DAB1: variants seen among roughly 807,000 people sequenced by gnomAD.
DAB1 encodes the protein DAB adaptor protein 1.
In DAB1, 15 loss-of-function variants were observed where a neutral mutation model predicts 64.6. That is an observed-to-expected ratio of 0.23 (90% CI 0.16 to 0.36). The LOEUF is 0.36. Among genes scored for constraint, DAB1 ranks in the 10% least tolerant of loss-of-function variants. DAB1 has a pLI of 1.00. For missense variants in DAB1, 596 were observed against 706.7 expected (o/e 0.84, Z 1.78); for synonymous variants, 235 against 251.9 (o/e 0.93, Z 0.64).
rs552299070 is a variant in DAB1 at position 57,989,626 on chromosome 1, T to C, written n.388-105464A>G. On this transcript the variant is annotated intron_variant and non_coding_transcript_variant, in intron 5 of 20. Transcript: ENST00000485760. ...TTGAAGCAGATATCCATTTTTAATA[T>C]AGGAAGGAAGACATTAAGATGTCAA... Among the ~76,000 whole-genome samples the C allele has an allele frequency of 3.3e-5, 5 of 152,270 alleles. No homozygotes were observed. The East Asian group carries it at 9.7e-4, about 29-fold the overall frequency.
Position 57,291,115 on chromosome 1 carries a change from C to A in DAB1, c.-85G>T. 1.2e-6 allele frequency: 1 copy of A among 839,216 alleles called. No homozygotes were observed. The highest frequency in any genetic ancestry group is 1.9e-6 in the Non-Finnish European group (1 of 526,762). 52.0% of individuals were successfully genotyped at this position (839,216 alleles called of 1,614,324 possible). ...ACTCTTCTCCAAGAGAAAGACTCCT[C>A]CCTTCAGAAATGACACTCTGAGCTG... is the stretch of plus-strand genomic sequence containing the variant. On this transcript the variant is annotated 5_prime_UTR_variant, in exon 2 of 15. Transcript: ENST00000371236.
intron 5 of DAB1, among the ~76,000 whole-genome samples, chr1:57,907,018 C>T (rs1166978138): frequency 1.3e-5 from 2 of 152,070 alleles, no homozygotes; most frequent in East Asian, 3.8e-4. Context: ...TTGTAAGCAA[C>T]AAAAGCACCT....
intron 1 of DAB1, among the ~76,000 whole-genome samples, chr1:57,840,483 A>G (rs932565522): frequency 1.3e-5 from 2 of 152,160 alleles, no homozygotes; most frequent in African/African-American, 4.8e-5. Context: ...TGCATTTAAT[A>G]TATCTAACCA....
intron 7 of DAB1, among the ~76,000 whole-genome samples, chr1:57,612,199 G>GTA (rs1300520389): frequency 2.2e-5 from 2 of 91,456 alleles, no homozygotes; most frequent in Non-Finnish European, 5.4e-5. Context: ...ATGATCTTGT[G>GTA]TGTGTGTGTG....
intron 6 of DAB1, among the ~76,000 whole-genome samples, chr1:57,797,949 T>C (rs6704346): frequency 0.066 from 10,093 of 152,312 alleles, 1,170 homozygotes; most frequent in African/African-American, 0.23. Context: ...TCGTTTATTA[T>C]GTGCTTAGCA....
intron 4 of DAB1, among the ~76,000 whole-genome samples, chr1:58,291,994 G>A (rs1317304716): frequency 6.6e-6 from 1 of 152,206 alleles, no homozygotes; most frequent in Non-Finnish European, 1.5e-5. Context: ...ATACAGGTGA[G>A]CATCATTCAA....
At chr1:58,162,090 T>C (rs1434728744) in intron 4 of DAB1, among the ~76,000 whole-genome samples, 20 of 152,054 alleles carry the variant, frequency 1.3e-4, no homozygotes, top group Non-Finnish European at 2.8e-4. Flanking sequence ...CGGTGATAGA[T>C]AGGATGTAGG....
intron 4 of DAB1, among the ~76,000 whole-genome samples, chr1:58,246,151 T>G (rs1286209750): frequency 1.3e-5 from 2 of 151,882 alleles, no homozygotes; most frequent in Non-Finnish European, 2.9e-5. Context: ...TAAGAGAAAA[T>G]AAATGTTTAG....
chr1:57,089,431 A>G (rs958703382), intron 4 of DAB1, among the ~76,000 whole-genome samples: 5 of 152,186 alleles, frequency 3.3e-5, no homozygotes, highest in Non-Finnish European at 7.3e-5. Flanking sequence ...GGGTGCCAGC[A>G]TCTGCTCAGC....
intron 5 of DAB1, among the ~76,000 whole-genome samples, chr1:57,905,118 T>C (rs1287976753): frequency 6.6e-6 from 1 of 152,042 alleles, no homozygotes; most frequent in African/African-American, 2.4e-5. Context: ...ATGTTCATTT[T>C]ATGGATGAAG....
rs576878626 is a variant in DAB1, at chr1:57,635,677, T to C, written n.625+13915A>G. Among the ~76,000 whole-genome samples, 5 of 152,316 alleles carry C rather than the reference T, an allele frequency of 3.3e-5. No individual in the cohort carries two copies. In the South Asian group the frequency reaches 1.0e-3, roughly 32 times the overall value. ...ATAATAATATAAATAAATTACACAA[T>C]AATTGTAATGCACTTGAATCATCCT... is the stretch of plus-strand genomic sequence containing the variant. On this transcript the variant is annotated intron_variant and non_coding_transcript_variant, in intron 7 of 20. Transcript: ENST00000485760.
chr1:57,242,423 G>A (rs901444625), intron 2 of DAB1, among the ~76,000 whole-genome samples: 4 of 152,188 alleles, frequency 2.6e-5, no homozygotes, highest in African/African-American at 9.6e-5. Context: ...CACGGGGGAA[G>A]TAGGTAAATA....
chr1:58,251,452 T>C (rs1323109978), intron 4 of DAB1, among the ~76,000 whole-genome samples: 1 of 152,134 alleles, frequency 6.6e-6, no homozygotes, highest in Non-Finnish European at 1.5e-5. Flanking sequence ...TGATAGAAAA[T>C]GACTAGGGTA....
At position 57,259,579 on chromosome 1, in the gene DAB1, A is replaced by G. The variant is rs369799230; in HGVS notation, c.67+31385T>C. On this transcript the variant is annotated intron_variant, in intron 2 of 14. Coordinates refer to ENST00000371236, the MANE Select transcript of DAB1 (RefSeq NM_001365792.1). ...TTCCAGAATATTTGAGGCCCTGCTG[A>G]TTCCTAGTTAGCCGAGGCAAGGCAG... Among the ~76,000 whole-genome samples, 93 of 152,310 alleles carry G rather than the reference A, an allele frequency of 6.1e-4. 1 individual carries two copies. In the South Asian group the frequency reaches 0.017, roughly 27 times the overall value.
At position 57,169,018 on chromosome 1, in the gene DAB1, T is replaced by C. The variant is rs375202467; in HGVS notation, c.68-23589A>G. The stretch of plus-strand genomic sequence containing the variant: ...CTGCAGTGAGCTATAATCATGCCAC[T>C]GCACTCCAGCCTGGGCAACAGAGTG... On this transcript the variant is annotated intron_variant, in intron 2 of 14. Coordinates refer to ENST00000371236, the MANE Select transcript of DAB1 (RefSeq NM_001365792.1). 2.6e-5 allele frequency among the ~76,000 whole-genome samples: 4 copies of C among 152,238 alleles called. No individual in the cohort carries two copies. The East Asian group carries it at 5.8e-4, about 22-fold the overall frequency.
intron 3 of DAB1, among the ~76,000 whole-genome samples, chr1:58,485,307 G>A (rs1569865938): frequency 7.1e-6 from 1 of 141,034 alleles, no homozygotes; most frequent in Non-Finnish European, 1.5e-5. Context: ...TGTTTCTACC[G>A]CTTTTGCTCT....
intron 1 of DAB1, among the ~76,000 whole-genome samples, chr1:58,542,790 A>G (rs1334479387): frequency 6.6e-6 from 1 of 152,210 alleles, no homozygotes; most frequent in Non-Finnish European, 1.5e-5. Flanking sequence ...TTTAGGGGAC[A>G]GGCTTAGACG....
intron 3 of DAB1, among the ~76,000 whole-genome samples, chr1:58,413,664 G>A (rs1388677246): frequency 6.6e-6 from 1 of 152,148 alleles, no homozygotes; most frequent in Admixed American, 6.5e-5. Flanking sequence ...GCTAATGGAA[G>A]AAAATGTAAT....
chr1:57,795,965 T>C (rs1346561035), intron 6 of DAB1, among the ~76,000 whole-genome samples: 3 of 151,578 alleles, frequency 2.0e-5, no homozygotes, highest in African/African-American at 7.3e-5. Context: ...TTTAAAACTA[T>C]AAGGAGCTAT....
Sources: gnomAD v4.1 joint callset for allele counts (sites outside exome capture counted in the v4.1 genomes callset) on GRCh38, gnomAD v4.1.1 for gene constraint, MANE v1.5 for transcripts, NCBI Gene and HGNC (gene_info 2026-07-23, HGNC 2026-07-21) for gene names.